Variants in SGSM1 observed in about 807,000 individuals in gnomAD.
The protein encoded by SGSM1 is RUN and TBC1 domain containing 2.
In SGSM1, 73 loss-of-function variants were observed where a neutral mutation model predicts 133.8. The ratio of observed to expected loss-of-function variants is 0.55; its 90% confidence interval spans 0.45 to 0.66. The LOEUF is 0.66. Among genes scored for constraint, SGSM1 ranks in the 30% least tolerant of loss-of-function variants. SGSM1 has a pLI of 0.00. For synonymous variants in SGSM1, 563 were observed against 573.0 expected, an observed-to-expected ratio of 0.98 and a Z score of 0.25; for missense variants, 1,213 against 1,448.1, an observed-to-expected ratio of 0.84 and a Z score of 2.64.
At position 24,836,274 on chromosome 22, in the gene SGSM1, G is replaced by A. The variant is rs114366527; in HGVS notation, c.64-8623G>A. ...AAGGTTCATTCGTATTTTGGCATGT[G>A]TCAGAATTTCCTTCCTTTTTAAGGC... On this transcript the variant is annotated intron_variant, in intron 2 of 24. Coordinates refer to ENST00000400358, the MANE Select transcript of SGSM1 (RefSeq NM_001098497.3). 3.5e-3 allele frequency among the ~76,000 whole-genome samples: 536 copies of A among 152,286 alleles called. 3 individuals carry two copies. Among genetic ancestry groups the A allele is most frequent in the African/African-American group, 0.012 (498 of 41,550 alleles).
intron 21 of SGSM1, among the ~76,000 whole-genome samples, chr22:24,905,687 G>T (rs1933350651): frequency 6.6e-6 from 1 of 151,650 alleles, no homozygotes; most frequent in African/African-American, 2.4e-5. Flanking sequence ...TACTCAGGAG[G>T]CTGAGGCAGG....
At chr22:24,919,312 A>G (rs1292717865) in intron 23 of SGSM1, among the ~76,000 whole-genome samples, 1 of 151,966 alleles carries the variant, frequency 6.6e-6, no homozygotes, top group Admixed American at 6.6e-5. Flanking sequence ...GGCCTCCCAA[A>G]GTGCTGGGAT....
At chr22:24,886,975 A>G (rs1932642194) in intron 16 of SGSM1, among the ~76,000 whole-genome samples, 1 of 152,228 alleles carries the variant, frequency 6.6e-6, no homozygotes, top group African/African-American at 2.4e-5. Flanking sequence ...AACTATGTGC[A>G]TCTTTTACCC....
chr22:24,921,993 G>A (rs1407728579), intron 24 of SGSM1, among the ~76,000 whole-genome samples: 2 of 152,024 alleles, frequency 1.3e-5, no homozygotes, highest in African/African-American at 4.8e-5. Context: ...GAACCACCGT[G>A]CCTAGCCAAT....
At chr22:24,827,510 T>C (rs183131747) in intron 2 of SGSM1, among the ~76,000 whole-genome samples, 156 of 152,114 alleles carry the variant, frequency 1.0e-3, no homozygotes, top group Admixed American at 6.3e-3. Context: ...GGAGGCCAGC[T>C]AGGTCCTGAC....
intron 2 of SGSM1, among the ~76,000 whole-genome samples, chr22:24,838,618 TG>T (rs1929608670): frequency 6.6e-6 from 1 of 152,220 alleles, no homozygotes; most frequent in Non-Finnish European, 1.5e-5. Flanking sequence ...ATGGGGTAGT[TG>T]GGTCAGTTTC....
intron 12 of SGSM1, among the ~76,000 whole-genome samples, chr22:24,874,210 T>C (rs149403549): frequency 7.2e-4 from 110 of 152,338 alleles, no homozygotes; most frequent in Non-Finnish European, 1.1e-3. Context: ...GGTCGTAAAC[T>C]TCCTAGCCTG....
In SGSM1 at chr22:24,886,697, A is replaced by T; in HGVS notation, c.1739A>T (p.Gln580Leu). ...TGGCCCTTCCTCCTGGGCCACTACCAGTTCGGGATGACGGAAACAGAAAGG... is the reference window on the plus strand; with the variant it reads ...TGGCCCTTCCTCCTGGGCCACTACCTGTTCGGGATGACGGAAACAGAAAGG... ...AVWPFLLGHY[Q>L]FGMTETERKE... The change falls in exon 16 of 25, where the codon CAG (glutamine) becomes CTG (leucine). Residue 580 changes from glutamine (Q) to leucine (L), a missense_variant. By Grantham distance (113) the Gln-to-Leu change is moderately radical (BLOSUM62 -2). Coordinates refer to ENST00000400358, the MANE Select transcript of SGSM1 (RefSeq NM_001098497.3). The T allele has an allele frequency of 6.3e-7, 1 of 1,580,996 alleles. No homozygotes were observed. The highest frequency in any genetic ancestry group is 8.6e-7 in the Non-Finnish European group (1 of 1,163,878).
chr22:24,852,708 G>T (rs569006181), intron 5 of SGSM1, among the ~76,000 whole-genome samples: 1 of 152,308 alleles, frequency 6.6e-6, no homozygotes, highest in East Asian at 1.9e-4. Flanking sequence ...CTCCCAAAGT[G>T]CTGGGATTAC....
At chr22:24,830,293 CCTCAGG>C (rs1293656787) in intron 2 of SGSM1, among the ~76,000 whole-genome samples, 2 of 152,164 alleles carry the variant, frequency 1.3e-5, no homozygotes, top group Non-Finnish European at 2.9e-5. Flanking sequence ...GGATCCCGAC[CCTCAGG>C]CTGAGAACTA....
chr22:24,813,288 T>C (rs565910032), intron 2 of SGSM1, among the ~76,000 whole-genome samples: 2 of 152,218 alleles, frequency 1.3e-5, no homozygotes, highest in South Asian at 2.1e-4. Flanking sequence ...ATCGAAGGCT[T>C]TGGCTTTGAC....
rs924608453 is a variant in SGSM1 at position 24,874,314 on chromosome 22, G to T, written c.1292-2263G>T. 14 of 1,233,522 alleles carry T rather than the reference G, an allele frequency of 1.1e-5. No homozygotes were observed. The Admixed American group carries it at 1.4e-4, about 12-fold the overall frequency. 76.4% of individuals were successfully genotyped at this position (1,233,522 alleles called of 1,614,324 possible). A position where few individuals can be genotyped will look rare whatever the true frequency, so the allele number is the denominator to read the frequency against. ...GGGAGCTGTGTGGAGCCGGGAAGGG[G>T]GAGGGTTGGAGCCCCCAGAAACTGG... On this transcript the variant is annotated intron_variant, in intron 12 of 24. Transcript: ENST00000400358.
intron 20 of SGSM1, 56 bp downstream of exon 20, chr22:24,902,013 G>T: frequency 7.0e-7 from 1 of 1,426,558 alleles, no homozygotes. Context: ...GGGTGGGATG[G>T]GGGATGTAGG....
intron 22 of SGSM1, among the ~76,000 whole-genome samples, chr22:24,915,249 TAAATAAAC>T (rs1477186206): frequency 2.7e-5 from 4 of 150,642 alleles, no homozygotes; most frequent in Non-Finnish European, 5.9e-5. Context: ...AATAAATAAA[TAAATAAAC>T]AAACAGCGCT....
chr22:24,895,706 C>T (rs980436456), intron 18 of SGSM1, among the ~76,000 whole-genome samples: 8 of 152,036 alleles, frequency 5.3e-5, no homozygotes, highest in South Asian at 2.1e-4. Context: ...AACAACTTTC[C>T]GTTTCAATTG....
At chr22:24,816,717 G>A (rs1928105779) in intron 2 of SGSM1, among the ~76,000 whole-genome samples, 2 of 152,158 alleles carry the variant, frequency 1.3e-5, no homozygotes. Context: ...AAGTTCAGGT[G>A]CACCTATATC....
At chr22:24,874,403 TTG>T (rs1351293069) in intron 12 of SGSM1, 1 of 1,601,618 alleles carries the variant, frequency 6.2e-7, no homozygotes, top group Non-Finnish European at 8.5e-7. Context: ...TCTTTCTGTT[TTG>T]TGTCTCAAGT....
intron 12 of SGSM1, among the ~76,000 whole-genome samples, chr22:24,873,661 G>A (rs1931874783): frequency 6.6e-6 from 1 of 152,092 alleles, no homozygotes; most frequent in African/African-American, 2.4e-5. Context: ...GATCAGCCTG[G>A]GCAACATGGC....
intron 14 of SGSM1, among the ~76,000 whole-genome samples, chr22:24,881,845 C>G (rs1932350729): frequency 1.3e-5 from 2 of 152,148 alleles, no homozygotes; most frequent in South Asian, 4.1e-4. Context: ...ACAGCCAGAG[C>G]AAACAGCACA....
Sources: allele counts gnomAD v4.1 joint callset (sites outside exome capture counted in the v4.1 genomes callset), GRCh38; gene constraint gnomAD v4.1.1; transcripts MANE v1.5; gene names NCBI Gene and HGNC (gene_info 2026-07-23, HGNC 2026-07-21).